Variants in PHKB observed in about 807,000 individuals in gnomAD.
The protein encoded by PHKB is phosphorylase kinase regulatory subunit beta, also known as phosphorylase b kinase regulatory subunit beta.
A neutral mutation model predicts 152.1 loss-of-function variants in PHKB; 122 were observed. The observed-to-expected ratio is 0.80, with a 90% CI of 0.69 to 0.93. The LOEUF is 0.93. PHKB is among the 40% of genes least tolerant of loss of function. The pLI, the probability that PHKB is intolerant of heterozygous loss-of-function variation, is 0.00. For missense variants in PHKB, 1,304 were observed against 1,328.4 expected, an observed-to-expected ratio of 0.98 and a Z score of 0.29; for synonymous variants, 436 against 464.9, an observed-to-expected ratio of 0.94 and a Z score of 0.80.
intron 6 of PHKB, among the ~76,000 whole-genome samples, chr16:47,546,865 C>T (rs560540139): frequency 9.2e-5 from 14 of 152,182 alleles, no homozygotes; most frequent in Non-Finnish European, 1.5e-4. Flanking sequence ...CTCGGACTGC[C>T]GTTCTAACAG....
At chr16:47,495,911 A>G (rs1414378148) in intron 1 of PHKB, among the ~76,000 whole-genome samples, 1 of 152,172 alleles carries the variant, frequency 6.6e-6, no homozygotes, top group Non-Finnish European at 1.5e-5. Flanking sequence ...GCTCAGAGCA[A>G]GTCTTATCTA....
At chr16:47,658,979 A>G (rs1437367730) in intron 20 of PHKB, among the ~76,000 whole-genome samples, 1 of 152,166 alleles carries the variant, frequency 6.6e-6, no homozygotes, top group African/African-American at 2.4e-5. Context: ...TTCAATAAAT[A>G]TTTGTCTAAC....
chr16:47,695,681 C>T (rs1238518490), intron 28 of PHKB, among the ~76,000 whole-genome samples: 1 of 152,162 alleles, frequency 6.6e-6, no homozygotes, highest in African/African-American at 2.4e-5. Context: ...TCTAGTCACC[C>T]CATCTGCCTT....
chr16:47,555,833 G>A (rs1160503867), intron 7 of PHKB, among the ~76,000 whole-genome samples: 1 of 152,160 alleles, frequency 6.6e-6, no homozygotes, highest in Non-Finnish European at 1.5e-5. Context: ...TAGCTTGATG[G>A]GGATGGCATT....
At chr16:47,596,678 A>G (rs946854634) in intron 13 of PHKB, 147 bp downstream of exon 13, 3 of 699,892 alleles carry the variant, frequency 4.3e-6, no homozygotes, top group Admixed American at 2.4e-5. Context: ...ATCTAGTGGT[A>G]TATTAATATA....
chr16:47,588,942 C>T lies in PHKB; in HGVS notation c.908C>T (p.Pro303Leu). The T allele has an allele frequency of 1.2e-6, 2 of 1,613,954 alleles. No homozygotes were observed. The highest frequency in any genetic ancestry group is 1.7e-6 in the Non-Finnish European group (2 of 1,179,906). ...GCCCTGCTCCCCTGCATCAGTTATC[C>T]TGCATTTGCCCTGGATGATGAAGTT... Reference protein sequence around the residue: ...DAALLPCISYPAFALDDEVLF... With the variant: ...DAALLPCISYLAFALDDEVLF... The change falls in exon 10 of 31, where the codon CCT (proline) becomes CTT (leucine). Residue 303 changes from proline (P) to leucine (L), a missense_variant. By Grantham distance (98) the Pro-to-Leu change is moderately conservative. Transcript: ENST00000323584.
chr16:47,679,079 G>T (rs1597173518), intron 26 of PHKB, among the ~76,000 whole-genome samples: 1 of 152,270 alleles, frequency 6.6e-6, no homozygotes, highest in East Asian at 1.9e-4. Flanking sequence ...TCAGATGGTT[G>T]TAGATATGTG....
chr16:47,591,624 C>A (rs1260189001), intron 10 of PHKB, among the ~76,000 whole-genome samples: 1 of 152,144 alleles, frequency 6.6e-6, no homozygotes, highest in African/African-American at 2.4e-5. Context: ...ACAGCCCTAG[C>A]TCTCTTCATT....
chr16:47,627,273 C>T (rs1567332745), intron 14 of PHKB, among the ~76,000 whole-genome samples: 1 of 152,196 alleles, frequency 6.6e-6, no homozygotes, highest in South Asian at 2.1e-4. Context: ...TATGAGAACA[C>T]CGTAGGTCAG....
intron 25 of PHKB, chr16:47,665,404 TC>T (rs1019840322): frequency 1.8e-5 from 4 of 220,590 alleles, no homozygotes; most frequent in African/African-American, 9.4e-5. Flanking sequence ...GTGAATTCCT[TC>T]CCCCAACATT....
At chr16:47,483,039 T>TC (rs1264125967) in intron 1 of PHKB, among the ~76,000 whole-genome samples, 1 of 138,750 alleles carries the variant, frequency 7.2e-6, no homozygotes, top group Non-Finnish European at 1.6e-5. Flanking sequence ...AATTTCTTTT[T>TC]TTTTTTTTTT....
At chr16:47,647,561 G>A (rs1025391370) in intron 16 of PHKB, among the ~76,000 whole-genome samples, 3 of 150,502 alleles carry the variant, frequency 2.0e-5, no homozygotes, top group Admixed American at 1.3e-4. Context: ...GCAGTGGCTC[G>A]ATCATGGCTC....
At position 47,610,886 on chromosome 16, in the gene PHKB, A is replaced by G. The variant is rs139904234; in HGVS notation, c.1424A>G (p.Asp475Gly). The G allele has an allele frequency of 6.2e-7, 1 of 1,604,904 alleles. No individual in the cohort carries two copies. Among genetic ancestry groups the G allele is most frequent in the Non-Finnish European group, 8.5e-7 (1 of 1,171,576 alleles). The change falls in exon 14 of 31, where the codon GAT becomes GGT. Residue 475 changes from aspartate to glycine, a missense_variant. Transcript: ENST00000323584. ...DPVQRYVPLKDQRNVSMRFSN... is the reference protein window; with the variant it reads ...DPVQRYVPLKGQRNVSMRFSN... ...GTCCAGCGCTATGTCCCACTAAAGG[A>G]TCAACGTAACGTGAGCATGAGGTTT...
At chr16:47,591,948 G>A (rs1471223715) in intron 10 of PHKB, among the ~76,000 whole-genome samples, 1 of 152,092 alleles carries the variant, frequency 6.6e-6, no homozygotes, top group African/African-American at 2.4e-5. Flanking sequence ...TGGATCTGGG[G>A]CGATTTTGCC....
At chr16:47,598,821 C>G in intron 13 of PHKB, 2 of 1,601,198 alleles carry the variant, frequency 1.2e-6, no homozygotes, top group Non-Finnish European at 1.7e-6. Context: ...CATCTGGTTC[C>G]GCTTTAACCA....
intron 14 of PHKB, among the ~76,000 whole-genome samples, chr16:47,626,852 C>G (rs1972719254): frequency 6.6e-6 from 1 of 152,212 alleles, no homozygotes; most frequent in South Asian, 2.1e-4. Flanking sequence ...TAGTCTCTCT[C>G]GTAGACCCCT....
rs571989992 is a variant in PHKB at position 47,523,325 on chromosome 16, A to G, written c.594+7724A>G. Among the ~76,000 whole-genome samples, 46 of 152,304 alleles carry G rather than the reference A, an allele frequency of 3.0e-4. No homozygotes were observed. In the South Asian group the frequency reaches 9.1e-3, roughly 30 times the overall value. On this transcript the variant is annotated intron_variant, in intron 6 of 30. Transcript: ENST00000323584. ...TATTTGTGGAGTTGCCTGTTTGTTT[A>G]GCATCTTTCCTGAAAATTTTCTGTG...
chr16:47,519,672 G>C (rs889652590), intron 6 of PHKB, among the ~76,000 whole-genome samples: 2 of 152,228 alleles, frequency 1.3e-5, no homozygotes, highest in Non-Finnish European at 2.9e-5. Flanking sequence ...CCTAGCCTCA[G>C]AAGTCACATT....
At chr16:47,562,920 A>G (rs1971500631) in intron 7 of PHKB, among the ~76,000 whole-genome samples, 1 of 152,136 alleles carries the variant, frequency 6.6e-6, no homozygotes, top group Non-Finnish European at 1.5e-5. Flanking sequence ...TTTGTTGTCA[A>G]CTCAATAATA....
Sources: gnomAD v4.1 joint callset for allele counts (sites outside exome capture counted in the v4.1 genomes callset) on GRCh38, gnomAD v4.1.1 for gene constraint, MANE v1.5 for transcripts, NCBI Gene and HGNC (gene_info 2026-07-23, HGNC 2026-07-21) for gene names.